ARK2N: variants seen among roughly 807,000 people sequenced by gnomAD.
ARK2N encodes arkadia (RNF111) N-terminal like PKA signaling regulator 2N, also known as protein ARK2N.
the ARK2N span, among the ~76,000 whole-genome samples, chr18:46,197,692 A>G: frequency 2.2e-3 from 342 of 152,278 alleles, 1 homozygote; most frequent in Non-Finnish European, 3.9e-3. Flanking sequence ...TATATACCCA[A>G]CATATAATAG....
the ARK2N span, among the ~76,000 whole-genome samples, chr18:46,176,612 ACT>A: frequency 6.7e-6 from 1 of 149,392 alleles, no homozygotes. Context: ...ACGCCACCAC[ACT>A]CAGCTAATTT....
chr18:46,181,723 A>G, the ARK2N span, among the ~76,000 whole-genome samples: 5 of 152,226 alleles, frequency 3.3e-5, no homozygotes, highest in South Asian at 1.0e-3. Flanking sequence ...TCAAAAAAAA[A>G]CAAAAAACTA....
chr18:46,176,457 CTT>C, the ARK2N span, among the ~76,000 whole-genome samples: 31 of 133,306 alleles, frequency 2.3e-4, no homozygotes, highest in South Asian at 2.4e-4. Context: ...TGTGTGTGTG[CTT>C]TTTTTTTTTT....
chr18:46,216,225 T>C, the ARK2N span: 1 of 1,613,852 alleles, frequency 6.2e-7, no homozygotes, highest in East Asian at 2.2e-5. This position sits in a 1 kb window ranked among gnomAD's most constrained non-coding sequence, Gnocchi z 4.3. Flanking sequence ...CAGAAGAGAA[T>C]GAACCCTCTC....
At chr18:46,180,803 A>G in the ARK2N span, among the ~76,000 whole-genome samples, 384 of 152,336 alleles carry the variant, frequency 2.5e-3, 1 homozygote, top group African/African-American at 8.9e-3. Flanking sequence ...TTCCTGCTCT[A>G]AAATGTGGAG....
At chr18:46,264,450 GTTTTGT>G in the ARK2N span, 6,054 of 152,704 alleles carry the variant, frequency 0.04, 313 homozygotes, top group East Asian at 0.12. Flanking sequence ...GTTTTTGTTT[GTTTTGT>G]TTTTGTTTTT....
At chr18:46,202,705 T>C in the ARK2N span, among the ~76,000 whole-genome samples, 1 of 151,156 alleles carries the variant, frequency 6.6e-6, no homozygotes, top group Non-Finnish European at 1.5e-5. Flanking sequence ...GGAGAATCGC[T>C]TGAACCCGGG....
At chr18:46,188,940 C>T in the ARK2N span, among the ~76,000 whole-genome samples, 3 of 151,660 alleles carry the variant, frequency 2.0e-5, no homozygotes, top group Non-Finnish European at 4.4e-5. Context: ...TGACCGGGTG[C>T]GGGGTGGCTC....
At chr18:46,228,695 C>T in the ARK2N span, 1 of 397,242 alleles carries the variant, frequency 2.5e-6, no homozygotes, top group African/African-American at 2.1e-5. Context: ...AAGCAATCCT[C>T]CCGCCTCAGC....
chr18:46,188,267 C>T, the ARK2N span, among the ~76,000 whole-genome samples: 4 of 152,290 alleles, frequency 2.6e-5, no homozygotes, highest in East Asian at 7.7e-4. Flanking sequence ...ATGGCACGAT[C>T]TTGGCTCACT....
the ARK2N span, among the ~76,000 whole-genome samples, chr18:46,214,561 A>C: frequency 6.6e-6 from 1 of 152,192 alleles, no homozygotes; most frequent in African/African-American, 2.4e-5. Context: ...AGTTTCCAAG[A>C]ACCTGTTGAC....
the ARK2N span, among the ~76,000 whole-genome samples, chr18:46,182,504 G>C: frequency 6.6e-6 from 1 of 152,136 alleles, no homozygotes; most frequent in Non-Finnish European, 1.5e-5. Flanking sequence ...AGCACCTTGG[G>C]AGGCAGAGTT....
the ARK2N span, among the ~76,000 whole-genome samples, chr18:46,225,158 A>G: frequency 5.3e-5 from 8 of 152,360 alleles, no homozygotes; most frequent in Admixed American, 2.6e-4. Context: ...AGGGGACCTA[A>G]GATGCAACTA....
chr18:46,247,524 T>C, the ARK2N span, among the ~76,000 whole-genome samples: 1 of 152,266 alleles, frequency 6.6e-6, no homozygotes, highest in Admixed American at 6.5e-5. Flanking sequence ...AGTTTGGTTA[T>C]AGTGATCCTG....
the ARK2N span, chr18:46,174,165 A>G: frequency 6.6e-6 from 1 of 152,216 alleles, no homozygotes. Flanking sequence ...TCTGACCGCG[A>G]CCCACTGCTC....
chr18:46,208,505 C>G, the ARK2N span, among the ~76,000 whole-genome samples: 3 of 115,066 alleles, frequency 2.6e-5, no homozygotes, highest in Non-Finnish European at 4.9e-5. Context: ...AAGTCTCGCT[C>G]TGTCACCAGG....
chr18:46,235,307 C>T, the ARK2N span, among the ~76,000 whole-genome samples: 1 of 152,238 alleles, frequency 6.6e-6, no homozygotes, highest in Admixed American at 6.5e-5. Context: ...AAAGCATTTA[C>T]TTACCGAGTT....
the ARK2N span, among the ~76,000 whole-genome samples, chr18:46,209,475 T>C: frequency 6.6e-6 from 1 of 152,204 alleles, no homozygotes; most frequent in Non-Finnish European, 1.5e-5. Flanking sequence ...TGTATACTGC[T>C]TAAATTCCAT....
chr18:46,228,553 A>G, the ARK2N span, among the ~76,000 whole-genome samples: 1 of 152,160 alleles, frequency 6.6e-6, no homozygotes, highest in Non-Finnish European at 1.5e-5. Flanking sequence ...TAAGAAAAAA[A>G]TTTCAGTGGA....
Sources: allele counts gnomAD v4.1 joint callset (sites outside exome capture counted in the v4.1 genomes callset), GRCh38; gene constraint gnomAD v4.1.1; non-coding constraint Gnocchi (gnomAD v3.1); transcripts MANE v1.5; gene names NCBI Gene and HGNC (gene_info 2026-07-23, HGNC 2026-07-21).